The following MTARC2 variants were observed in gnomAD, a reference collection of about 807,000 sequenced individuals.
MTARC2 encodes the protein MOCO sulphurase C-terminal domain containing 2.
MTARC2 carries 27 observed loss-of-function variants against 35.6 expected under a neutral mutation model. The observed-to-expected ratio is 0.76, with a 90% CI of 0.56 to 1.04. MTARC2 has a LOEUF of 1.04. MTARC2 is among the 50% of genes least tolerant of loss of function. MTARC2 has a pLI of 0.00. For missense variants in MTARC2, 412 were observed against 432.5 expected (o/e 0.95, Z 0.42); for synonymous variants, 158 against 167.1 (o/e 0.95, Z 0.42).
chr1:220,750,104 C>T (rs986691760), intron 1 of MTARC2, among the ~76,000 whole-genome samples: 2 of 152,120 alleles, frequency 1.3e-5, no homozygotes, highest in African/African-American at 2.4e-5. Context: ...GTGGGGCCAA[C>T]TCGTGTAGAA....
chr1:220,780,316 C>T lies in MTARC2; in HGVS notation c.884+77C>T. The T allele has an allele frequency of 5.4e-6, 7 of 1,284,428 alleles. No homozygotes were observed. In the South Asian group the frequency reaches 9.7e-5, roughly 18 times the overall value. 79.6% of individuals were successfully genotyped at this position (1,284,428 alleles called of 1,614,324 possible). A position where few individuals can be genotyped will look rare whatever the true frequency, so the allele number is the denominator to read the frequency against. ...CTACCTATGGGTTTAGGTGCTATGT[C>T]TGCTTTAGGGAAGATATGACCTTTC... On this transcript the variant is annotated intron_variant, in intron 6 of 7. Coordinates refer to ENST00000366913, the MANE Select transcript of MTARC2 (RefSeq NM_017898.5).
At chr1:220,758,611 G>T (rs897945485) in intron 2 of MTARC2, among the ~76,000 whole-genome samples, 3 of 152,006 alleles carry the variant, frequency 2.0e-5, no homozygotes, top group African/African-American at 7.2e-5. Context: ...TAGAGGTGGG[G>T]TTTCACCATG....
intron 6 of MTARC2, 98 bp downstream of exon 6, chr1:220,780,337 C>T (rs1672035731): frequency 9.4e-7 from 1 of 1,060,084 alleles, no homozygotes; most frequent in Non-Finnish European, 1.4e-6. Flanking sequence ...AAGATATGAC[C>T]TTTCTCTCCG....
chr1:220,756,887 T>C (rs922380699), intron 2 of MTARC2, among the ~76,000 whole-genome samples: 4 of 152,112 alleles, frequency 2.6e-5, no homozygotes, highest in African/African-American at 9.7e-5. Flanking sequence ...AGACAGCAAT[T>C]GCAGCCTATT....
rs959143046 is a variant in MTARC2, at chr1:220,748,414, G to A, written c.-118G>A. On this transcript the variant is annotated 5_prime_UTR_variant, in exon 1 of 8. Coordinates refer to ENST00000366913, the MANE Select transcript of MTARC2 (RefSeq NM_017898.5). The stretch of plus-strand genomic sequence containing the variant: ...CGGCGGTGAAAGTGTGAGAGGGTCC[G>A]TAGTTGGGTCAACTTTGACTCCTCT... 3 of 1,048,446 alleles carry A rather than the reference G, an allele frequency of 2.9e-6. No individual in the cohort carries two copies. The highest frequency in any genetic ancestry group is 3.7e-6 in the Non-Finnish European group (3 of 807,188). The allele number at this position is 1,048,446 out of a possible 1,614,324, so 64.9% of individuals were successfully genotyped here.
chr1:220,765,144 G>A (rs1253988552), intron 4 of MTARC2, among the ~76,000 whole-genome samples: 1 of 152,198 alleles, frequency 6.6e-6, no homozygotes, highest in African/African-American at 2.4e-5. Flanking sequence ...GTCCCCGGAA[G>A]CAATGCTGTT....
chr1:220,774,615 C>T (rs1425746883), intron 4 of MTARC2, among the ~76,000 whole-genome samples: 5 of 152,098 alleles, frequency 3.3e-5, no homozygotes, highest in Admixed American at 3.3e-4. Context: ...TGGCAGGAGG[C>T]TCAAGGAACA....
At chr1:220,761,172 C>T (rs1671425778) in intron 2 of MTARC2, among the ~76,000 whole-genome samples, 1 of 152,180 alleles carries the variant, frequency 6.6e-6, no homozygotes, top group Admixed American at 6.5e-5. Flanking sequence ...TAATTATTTC[C>T]AATTTACAAC....
At chr1:220,749,532 G>A (rs1383867037) in intron 1 of MTARC2, among the ~76,000 whole-genome samples, 2 of 150,122 alleles carry the variant, frequency 1.3e-5, no homozygotes, top group Non-Finnish European at 1.5e-5. Context: ...CCAAGTTCAA[G>A]CAATTCTCCT....
At chr1:220,756,623 G>A (rs1558064623) in intron 2 of MTARC2, among the ~76,000 whole-genome samples, 1 of 152,170 alleles carries the variant, frequency 6.6e-6, no homozygotes, top group African/African-American at 2.4e-5. Context: ...TCAGTTCATT[G>A]AAGAGGAAGT....
rs1439871328 is a variant in MTARC2, at chr1:220,759,594, G to A, written c.447-2064G>A. On this transcript the variant is annotated intron_variant, in intron 2 of 7. Transcript: ENST00000366913. ...AAGCTTTCCCGGGTGGGTGGAGACT[G>A]TGAGTAATATGTGTGCACTTATGTA... 2.0e-5 allele frequency among the ~76,000 whole-genome samples: 3 copies of A among 152,164 alleles called. No individual in the cohort carries two copies. The South Asian group carries it at 6.2e-4, about 31-fold the overall frequency.
chr1:220,777,301 G>T (rs1356529653), intron 4 of MTARC2, among the ~76,000 whole-genome samples: 1 of 152,202 alleles, frequency 6.6e-6, no homozygotes, highest in Non-Finnish European at 1.5e-5. Flanking sequence ...GACCCGGTTA[G>T]GTACTGGAGA....
rs2102572491 is a variant in MTARC2, at chr1:220,780,014, T to G, written c.751-4T>G. On this transcript the variant is annotated splice_polypyrimidine_tract_variant and splice_region_variant and intron_variant, in intron 4 of 7. Transcript: ENST00000366913. ...TTAAAAGATAACTTTCTCTTTTCTC[T>G]TAGGATACCTGGGATGAACTCCTAA... The G allele has an allele frequency of 6.5e-7, 1 of 1,531,748 alleles. No homozygotes were observed. The highest frequency in any genetic ancestry group is 2.5e-5 in the East Asian group (1 of 40,632). The allele number at this position is 1,531,748 out of a possible 1,614,324, so 94.9% of individuals were successfully genotyped here.
chr1:220,769,941 A>AAAAAAAAAAAAC, intron 4 of MTARC2, among the ~76,000 whole-genome samples: 1 of 147,176 alleles, frequency 6.8e-6, no homozygotes, highest in Non-Finnish European at 1.5e-5. Context: ...ATACAAAAAA[A>AAAAAAAAAAAAC]AAAAAAAAAA....
At chr1:220,771,478 A>G (rs919102283) in intron 4 of MTARC2, among the ~76,000 whole-genome samples, 1 of 152,142 alleles carries the variant, frequency 6.6e-6, no homozygotes, top group African/African-American at 2.4e-5. Flanking sequence ...TAATGTGAGG[A>G]TACTTATCCT....
At chr1:220,764,711 C>G (rs1463450355) in intron 4 of MTARC2, among the ~76,000 whole-genome samples, 1 of 151,806 alleles carries the variant, frequency 6.6e-6, no homozygotes, top group African/African-American at 2.4e-5. Flanking sequence ...ATGGCTTGAG[C>G]CCCGGGCCGG....
chr1:220,749,420 CCTT>C (rs1422986125), intron 1 of MTARC2, among the ~76,000 whole-genome samples: 2 of 105,552 alleles, frequency 1.9e-5, no homozygotes, highest in African/African-American at 1.3e-4. Context: ...GATTAAGATG[CCTT>C]CTTCTTTTTT....
intron 4 of MTARC2, among the ~76,000 whole-genome samples, chr1:220,779,439 C>T (rs1304050128): frequency 6.6e-6 from 1 of 152,196 alleles, no homozygotes; most frequent in Non-Finnish European, 1.5e-5. Context: ...TAGCGCCTCC[C>T]TCAAAGTTGT....
intron 2 of MTARC2, among the ~76,000 whole-genome samples, chr1:220,755,419 G>A (rs942981709): frequency 2.6e-5 from 4 of 152,170 alleles, no homozygotes; most frequent in Non-Finnish European, 4.4e-5. Context: ...GGCACGCTAC[G>A]CCACGCAAGG....
Sources: gnomAD v4.1 joint callset for allele counts (sites outside exome capture counted in the v4.1 genomes callset) on GRCh38, gnomAD v4.1.1 for gene constraint, MANE v1.5 for transcripts, NCBI Gene and HGNC (gene_info 2026-07-23, HGNC 2026-07-21) for gene names.